C1QTNF7: variants seen among roughly 807,000 people sequenced by gnomAD.
The protein encoded by C1QTNF7 is C1q and TNF related 7, also known as complement C1q tumor necrosis factor-related protein 7.
A neutral mutation model predicts 19.6 loss-of-function variants in C1QTNF7; 15 were observed. The observed-to-expected ratio is 0.76, with a 90% confidence interval of 0.51 to 1.18. The LOEUF (loss-of-function observed/expected upper bound fraction) is 1.18, where lower values mean the gene tolerates loss of function less well. Among genes scored for constraint, C1QTNF7 ranks in the 50% most tolerant of loss-of-function variants. The pLI is 0.00. For missense variants in C1QTNF7, 324 were observed against 359.7 expected (o/e 0.90, Z 0.80); for synonymous variants, 142 against 137.5 (o/e 1.03, Z -0.23).
chr4:15,438,423 T>G (rs1395505878), intron 2 of C1QTNF7, among the ~76,000 whole-genome samples: 1 of 152,180 alleles, frequency 6.6e-6, no homozygotes, highest in Non-Finnish European at 1.5e-5. Flanking sequence ...TCCCCTTTAA[T>G]GACACTACAA....
intron 2 of C1QTNF7, among the ~76,000 whole-genome samples, chr4:15,440,730 C>A (rs1221368990): frequency 6.6e-6 from 1 of 152,038 alleles, no homozygotes; most frequent in African/African-American, 2.4e-5. Context: ...TTTTACCTGT[C>A]TGGGACTCAG....
In C1QTNF7 at chr4:15,354,129, G is replaced by A. The variant is rs979400358; in HGVS notation, c.13+13922G>A. On this transcript the variant is annotated intron_variant, in intron 1 of 2. Transcript: ENST00000295297. The stretch of plus-strand genomic sequence containing the variant: ...CCAACTAGGGTACATGAGGCTCAGA[G>A]GTCTCACACTTCATGGGACAGAAGG... Among the ~76,000 whole-genome samples the A allele has an allele frequency of 4.6e-5, 7 of 152,072 alleles. No individual in the cohort carries two copies. In the East Asian group the frequency reaches 1.2e-3, roughly 25 times the overall value.
chr4:15,371,943 A>G lies in C1QTNF7; in HGVS notation c.13+31736A>G, dbSNP rs145125295. ...AGGAAAGAGTAGGAAAGGAAAGGAA[A>G]GGGTCACAGCTCAGAATCTCGGAGA... On this transcript the variant is annotated intron_variant, in intron 1 of 2. Coordinates refer to the C1QTNF7 transcript ENST00000295297. Among the ~76,000 whole-genome samples the G allele has an allele frequency of 3.3e-4, 50 of 152,134 alleles. No homozygotes were observed. In the East Asian group the frequency reaches 3.5e-3, roughly 11 times the overall value.
chr4:15,428,121 CT>C lies in C1QTNF7; in HGVS notation c.-9+23del. ...CTAAGAGCAAGGTATGGTGTTTACT[CT>C]TTTTTTTAGAATTTTGGCAAATGTA... On this transcript the variant is annotated intron_variant, in intron 1 of 2. Transcript: ENST00000444304. 9 of 981,944 alleles carry C rather than the reference CT, an allele frequency of 9.2e-6. No homozygotes were observed. The highest frequency in any genetic ancestry group is 1.1e-5 in the Non-Finnish European group (9 of 826,972). 60.8% of individuals were successfully genotyped at this position (981,944 alleles called of 1,614,324 possible). A position where few individuals can be genotyped will look rare whatever the true frequency, so the allele number is the denominator to read the frequency against.
At position 15,363,521 on chromosome 4, in the gene C1QTNF7, G is replaced by A. The variant is rs998805052; in HGVS notation, c.13+23314G>A. Among the ~76,000 whole-genome samples, 33 of 152,052 alleles carry A rather than the reference G, an allele frequency of 2.2e-4. 1 individual carries two copies. Among genetic ancestry groups the A allele is most frequent in the African/African-American group, 7.7e-4 (32 of 41,410 alleles). ...AAAATCTGAACGTGTGAAACCACCT[G>A]AGCCTTTCTCTTCTAGGAAGCTTTC... On this transcript the variant is annotated intron_variant, in intron 1 of 2. Coordinates refer to the C1QTNF7 transcript ENST00000295297.
chr4:15,435,357 G>A (rs1712486297), intron 1 of C1QTNF7, among the ~76,000 whole-genome samples: 1 of 152,082 alleles, frequency 6.6e-6, no homozygotes, highest in Non-Finnish European at 1.5e-5. Flanking sequence ...TAAAAATAAT[G>A]TTGATGTTTA....
intron 2 of C1QTNF7, among the ~76,000 whole-genome samples, chr4:15,439,444 C>T (rs1414150444): frequency 6.6e-6 from 1 of 152,166 alleles, no homozygotes; most frequent in Non-Finnish European, 1.5e-5. Flanking sequence ...GAAACTAAAG[C>T]CAGAGAGATC....
intron 1 of C1QTNF7, among the ~76,000 whole-genome samples, chr4:15,366,424 A>G (rs1274346430): frequency 6.6e-6 from 1 of 152,186 alleles, no homozygotes; most frequent in Non-Finnish European, 1.5e-5. Context: ...ATGGAATGGT[A>G]TGGCACATGA....
At chr4:15,416,961 T>A (rs754839014) in intron 1 of C1QTNF7, among the ~76,000 whole-genome samples, 7 of 152,216 alleles carry the variant, frequency 4.6e-5, no homozygotes, top group African/African-American at 9.6e-5. Context: ...TATTTCCCTA[T>A]ACAAAAGATT....
At chr4:15,387,259 G>A (rs1362261939) in intron 1 of C1QTNF7, among the ~76,000 whole-genome samples, 1 of 152,192 alleles carries the variant, frequency 6.6e-6, no homozygotes, top group East Asian at 1.9e-4. Context: ...AAGAGAAGGT[G>A]CTGGATGAGC....
At chr4:15,371,595 A>G (rs1268079553) in intron 1 of C1QTNF7, among the ~76,000 whole-genome samples, 1 of 152,182 alleles carries the variant, frequency 6.6e-6, no homozygotes, top group Non-Finnish European at 1.5e-5. Context: ...CAATAATAAA[A>G]TGACACTTAT....
At chr4:15,438,478 C>T (rs1030012974) in intron 2 of C1QTNF7, among the ~76,000 whole-genome samples, 29 of 152,182 alleles carry the variant, frequency 1.9e-4, no homozygotes, top group African/African-American at 7.0e-4. Context: ...CTCACCACAT[C>T]CACCCCAACC....
At chr4:15,397,335 C>T (rs1438310465) in intron 1 of C1QTNF7, among the ~76,000 whole-genome samples, 3 of 152,202 alleles carry the variant, frequency 2.0e-5, no homozygotes, top group African/African-American at 7.2e-5. Context: ...CCCCTAAGAC[C>T]TCTCGGAGAC....
At chr4:15,424,490 C>A (rs1471573339), upstream of C1QTNF7, among the ~76,000 whole-genome samples, 1 of 152,086 alleles carries the variant, frequency 6.6e-6, no homozygotes, top group African/African-American at 2.4e-5. Context: ...TGCAGTGCTC[C>A]CCCCACCAGC....
rs532301942 is a variant in C1QTNF7 at position 15,399,547 on chromosome 4, C to T, written c.14-36189C>T. On this transcript the variant is annotated intron_variant, in intron 1 of 2. Transcript: ENST00000295297. ...GAATGGGGATAATAATAATCATGTA[C>T]GTAGTGTTTTTGCATGGAATAAATG... Among the ~76,000 whole-genome samples, 20 of 152,276 alleles carry T rather than the reference C, an allele frequency of 1.3e-4. No homozygotes were observed. In the South Asian group the frequency reaches 1.5e-3, roughly 11 times the overall value.
chr4:15,443,067 T>G lies in C1QTNF7; in HGVS notation c.*268T>G, dbSNP rs910520285. ...CAAATTAAAGACAATGTTAACAAAT[T>G]TTCTATTAAATGCCCTGAGTGATAA... On this transcript the variant is annotated 3_prime_UTR_variant, in exon 3 of 3. Coordinates refer to ENST00000444304, the MANE Select transcript of C1QTNF7 (RefSeq NM_031911.5). The G allele has an allele frequency of 7.6e-6, 2 of 263,156 alleles. No individual in the cohort carries two copies. Among genetic ancestry groups the G allele is most frequent in the Non-Finnish European group, 1.4e-5 (2 of 140,384 alleles). The allele number at this position is 263,156 out of a possible 1,614,324, so 16.3% of individuals were successfully genotyped here.
At chr4:15,395,693 C>T (rs1003478916) in intron 1 of C1QTNF7, among the ~76,000 whole-genome samples, 5 of 151,738 alleles carry the variant, frequency 3.3e-5, no homozygotes, top group Non-Finnish European at 7.4e-5. Flanking sequence ...CAAATGACAC[C>T]GAAAAAACAG....
At chr4:15,352,792 C>G (rs1258323479) in intron 1 of C1QTNF7, among the ~76,000 whole-genome samples, 2 of 152,204 alleles carry the variant, frequency 1.3e-5, no homozygotes, top group Admixed American at 6.5e-5. Flanking sequence ...TCCTCCTTCC[C>G]TGGACACGTA....
intron 1 of C1QTNF7, among the ~76,000 whole-genome samples, chr4:15,369,537 C>T (rs563507723): frequency 6.6e-5 from 10 of 152,208 alleles, no homozygotes; most frequent in South Asian, 4.2e-4. Flanking sequence ...TTGTTTGTTT[C>T]CTGCCTTATC....
Sources: gnomAD v4.1 joint callset for allele counts (sites outside exome capture counted in the v4.1 genomes callset) on GRCh38, gnomAD v4.1.1 for gene constraint, MANE v1.5 for transcripts, NCBI Gene and HGNC (gene_info 2026-07-23, HGNC 2026-07-21) for gene names.